Variants in CFAP299 observed in about 807,000 individuals in gnomAD.
The protein encoded by CFAP299 is cilia- and flagella-associated protein 299.
CFAP299 carries 21 observed loss-of-function variants against 27.0 expected under a neutral mutation model. That is an observed-to-expected ratio of 0.78 (90% confidence interval 0.55 to 1.12). The LOEUF (loss-of-function observed/expected upper bound fraction) is 1.12, where lower values mean the gene tolerates loss of function less well. Among genes scored for constraint, CFAP299 ranks in the 50% most tolerant of loss-of-function variants. The pLI, the probability that CFAP299 is intolerant of heterozygous loss-of-function variation, is 0.00. For missense variants in CFAP299, 310 were observed against 276.6 expected, an observed-to-expected ratio of 1.12 and a Z score of -0.86; for synonymous variants, 104 against 98.1, an observed-to-expected ratio of 1.06 and a Z score of -0.36.
intron 4 of CFAP299, among the ~76,000 whole-genome samples, chr4:80,883,685 TAAA>T (rs1187246129): frequency 2.0e-5 from 3 of 152,040 alleles, no homozygotes; most frequent in Non-Finnish European, 4.4e-5. Context: ...TCACAAGGGA[TAAA>T]GAAGTTCATA....
rs529690963 is a variant in CFAP299, at chr4:80,510,469, A to G, written c.243-72624A>G. ...AGCCATATGTGTTCCAAAACACCTC[A>G]TAGTCTCTCTTGAGATCAGACTGAA... On this transcript the variant is annotated intron_variant, in intron 2 of 5. Coordinates refer to ENST00000358105, the MANE Select transcript of CFAP299 (RefSeq NM_152770.3). Among the ~76,000 whole-genome samples, 500 of 152,288 alleles carry G rather than the reference A, an allele frequency of 3.3e-3. 1 individual carries two copies. The highest frequency in any genetic ancestry group is 5.8e-3 in the Non-Finnish European group (392 of 68,026).
chr4:80,528,448 CTAGAT>C (rs1733301495), intron 2 of CFAP299, among the ~76,000 whole-genome samples: 1 of 152,078 alleles, frequency 6.6e-6, no homozygotes, highest in Non-Finnish European at 1.5e-5. Flanking sequence ...GGAAAGATGG[CTAGAT>C]TCTCCTTTAG....
intron 3 of CFAP299, among the ~76,000 whole-genome samples, chr4:80,756,886 G>A (rs2110074986): frequency 6.6e-6 from 1 of 152,142 alleles, no homozygotes; most frequent in South Asian, 2.1e-4. Flanking sequence ...ATGCAAAGAG[G>A]TAAATGTTGT....
At chr4:80,388,198 G>T (rs1477360694) in intron 2 of CFAP299, 7 of 695,556 alleles carry the variant, frequency 1.0e-5, no homozygotes, top group South Asian at 3.1e-5. Flanking sequence ...GCTAGGTGAG[G>T]TGGCTGGGCA....
intron 4 of CFAP299, among the ~76,000 whole-genome samples, chr4:80,935,071 C>G (rs1736821007): frequency 6.6e-6 from 1 of 151,866 alleles, no homozygotes; most frequent in South Asian, 2.1e-4. Flanking sequence ...AGCATGTTTC[C>G]ATTTTAATGT....
At chr4:80,856,409 T>G (rs1182682087) in intron 3 of CFAP299, among the ~76,000 whole-genome samples, 4 of 151,624 alleles carry the variant, frequency 2.6e-5, no homozygotes, top group East Asian at 3.9e-4. Flanking sequence ...TTAGTTTAAT[T>G]AGATCCCATT....
rs79759055 is a variant in CFAP299, at chr4:80,521,188, C to T, written c.243-61905C>T. ...AGGTCTTTTTCCTGAGGAATTAAAC[C>T]GACACAAAAAAATCATTTATATATA... On this transcript the variant is annotated intron_variant, in intron 2 of 5. Coordinates refer to ENST00000358105, the MANE Select transcript of CFAP299 (RefSeq NM_152770.3). Among the ~76,000 whole-genome samples, 263 of 151,998 alleles carry T rather than the reference C, an allele frequency of 1.7e-3. 4 individuals are homozygous for T. In the East Asian group the frequency reaches 0.029, roughly 17 times the overall value.
intron 3 of CFAP299, among the ~76,000 whole-genome samples, chr4:80,693,996 T>C (rs1020375782): frequency 6.6e-6 from 1 of 152,204 alleles, no homozygotes; most frequent in Non-Finnish European, 1.5e-5. Context: ...ATGATTTCCC[T>C]ATTGTTTATA....
intron 4 of CFAP299, among the ~76,000 whole-genome samples, chr4:80,929,775 A>G (rs1045483042): frequency 1.3e-5 from 2 of 152,104 alleles, no homozygotes; most frequent in African/African-American, 2.4e-5. Context: ...ACACCCTCAG[A>G]TGCCCTTATT....
intron 2 of CFAP299, among the ~76,000 whole-genome samples, chr4:80,475,729 C>G (rs1295312748): frequency 6.6e-6 from 1 of 152,116 alleles, no homozygotes; most frequent in Non-Finnish European, 1.5e-5. Context: ...GTTGTACGTT[C>G]AGAAATAGAT....
At chr4:80,560,997 C>T (rs1039793589) in intron 2 of CFAP299, among the ~76,000 whole-genome samples, 7 of 152,110 alleles carry the variant, frequency 4.6e-5, no homozygotes, top group South Asian at 4.1e-4. Flanking sequence ...GGTTACATCA[C>T]GCCTTGATGA....
the CFAP299 span, among the ~76,000 whole-genome samples, chr4:80,324,134 C>G: frequency 4.6e-5 from 7 of 152,212 alleles, no homozygotes; most frequent in African/African-American, 1.7e-4. Flanking sequence ...TCTCACTCCC[C>G]TTGCCCCCAA....
intron 4 of CFAP299, among the ~76,000 whole-genome samples, chr4:80,882,544 A>G (rs1160918503): frequency 2.0e-5 from 3 of 152,084 alleles, no homozygotes; most frequent in Admixed American, 1.3e-4. Flanking sequence ...AGGCTGAGGC[A>G]GGAGAATGGC....
chr4:80,851,897 G>A (rs1030557386), intron 3 of CFAP299, among the ~76,000 whole-genome samples: 1 of 116,834 alleles, frequency 8.6e-6, no homozygotes, highest in African/African-American at 3.4e-5. Context: ...AAACCCTGGC[G>A]ATATGATTTG....
intron 2 of CFAP299, among the ~76,000 whole-genome samples, chr4:80,438,153 G>A (rs1201547610): frequency 1.3e-5 from 2 of 152,176 alleles, no homozygotes; most frequent in South Asian, 2.1e-4. Context: ...AAAAATTAAT[G>A]CAAGGAAACA....
intron 3 of CFAP299, among the ~76,000 whole-genome samples, chr4:80,677,401 A>G (rs1290747102): frequency 6.6e-6 from 1 of 152,094 alleles, no homozygotes; most frequent in African/African-American, 2.4e-5. Context: ...CATATTTACT[A>G]AGTTGTATGC....
intron 3 of CFAP299, among the ~76,000 whole-genome samples, chr4:80,691,354 TG>T (rs1720673707): frequency 1.5e-5 from 2 of 132,886 alleles, no homozygotes; most frequent in Non-Finnish European, 3.2e-5. Flanking sequence ...CATGATCAAG[TG>T]GGCTTCATCC....
intron 2 of CFAP299, among the ~76,000 whole-genome samples, chr4:80,469,104 A>G (rs1729857312): frequency 6.6e-6 from 1 of 152,204 alleles, no homozygotes; most frequent in African/African-American, 2.4e-5. Flanking sequence ...GTGGTTCTTA[A>G]TATGTGGTCC....
intron 3 of CFAP299, among the ~76,000 whole-genome samples, chr4:80,858,957 G>A (rs1259397405): frequency 6.6e-6 from 1 of 151,958 alleles, no homozygotes; most frequent in Non-Finnish European, 1.5e-5. Context: ...TCAATTCCTG[G>A]GTATCCTTGT....
Sources: gnomAD v4.1 joint callset for allele counts (sites outside exome capture counted in the v4.1 genomes callset) on GRCh38, gnomAD v4.1.1 for gene constraint, MANE v1.5 for transcripts, NCBI Gene and HGNC (gene_info 2026-07-23, HGNC 2026-07-21) for gene names.